Variants in MAL2 observed in about 807,000 individuals in gnomAD.
MAL2 encodes the protein protein MAL2.
A neutral mutation model predicts 18.1 loss-of-function variants in MAL2; 17 were observed. That is an observed-to-expected ratio of 0.94 (90% CI 0.64 to 1.41). MAL2 has a LOEUF of 1.41. Among genes scored for constraint, MAL2 ranks in the 40% most tolerant of loss-of-function variants. The pLI is 0.00. For synonymous variants in MAL2, 102 were observed against 102.3 expected, an observed-to-expected ratio of 1.00 and a Z score of 0.02; for missense variants, 222 against 231.9, an observed-to-expected ratio of 0.96 and a Z score of 0.28.
intron 2 of MAL2, among the ~76,000 whole-genome samples, chr8:119,227,592 A>T (rs1173784311): frequency 4.6e-5 from 7 of 152,186 alleles, no homozygotes; most frequent in Admixed American, 2.6e-4. Context: ...AAATCCACTG[A>T]AGCTGGAGGC....
rs770092855 is a variant in MAL2, at chr8:119,240,353, C to T, written c.459+33C>T. On this transcript the variant is annotated intron_variant, in intron 3 of 3. Transcript: ENST00000614891. ...TTCATATTCAATGAGTACCATTCAC[C>T]AGCACTTCCGCTCCACTGTCAAGGC... 6.2e-6 allele frequency: 10 copies of T among 1,602,242 alleles called. No individual in the cohort carries two copies. In the South Asian group the frequency reaches 1.0e-4, roughly 16 times the overall value.
In MAL2 at chr8:119,218,065, C is replaced by T. The variant is rs1009848273; in HGVS notation, c.133-3522C>T. On this transcript the variant is annotated intron_variant, in intron 1 of 3. Transcript: ENST00000614891. ...TGTCAAGGCCAGAGTGATCCATACA[C>T]CAGTATGACAGTCTCAAAATGAGGA... is the stretch of plus-strand genomic sequence containing the variant. Among the ~76,000 whole-genome samples, 15 of 152,266 alleles carry T rather than the reference C, an allele frequency of 9.9e-5. No homozygotes were observed. The South Asian group carries it at 1.2e-3, about 13-fold the overall frequency.
intron 2 of MAL2, among the ~76,000 whole-genome samples, chr8:119,237,639 C>A (rs1310461324): frequency 6.6e-6 from 1 of 151,852 alleles, no homozygotes; most frequent in Admixed American, 6.5e-5. Context: ...TAAATACATG[C>A]AAATCAATAA....
chr8:119,236,339 A>T (rs1817892097), intron 2 of MAL2, among the ~76,000 whole-genome samples: 1 of 149,768 alleles, frequency 6.7e-6, no homozygotes, highest in Non-Finnish European at 1.5e-5. Flanking sequence ...CCACACATTA[A>T]TAATGGGAGA....
At chr8:119,239,894 CTT>C (rs773431025) in intron 2 of MAL2, among the ~76,000 whole-genome samples, 4 of 151,952 alleles carry the variant, frequency 2.6e-5, no homozygotes, top group Non-Finnish European at 5.9e-5. Context: ...TACCCTAAAA[CTT>C]AAAGTATAAT....
At chr8:119,242,360 C>A (rs559540460) in intron 3 of MAL2, among the ~76,000 whole-genome samples, 1 of 152,240 alleles carries the variant, frequency 6.6e-6, no homozygotes, top group East Asian at 1.9e-4. Flanking sequence ...CTCAGTAAAC[C>A]TCTACATGCT....
At chr8:119,243,357 G>C in intron 3 of MAL2, 60 bp from the exon 4 acceptor site, 1 of 1,321,472 alleles carries the variant, frequency 7.6e-7, no homozygotes, top group Admixed American at 2.2e-5. Context: ...TGTTCTTTAG[G>C]ACACTGTTTA....
At chr8:119,226,845 G>A (rs1817607694) in intron 2 of MAL2, among the ~76,000 whole-genome samples, 1 of 152,190 alleles carries the variant, frequency 6.6e-6, no homozygotes, top group Non-Finnish European at 1.5e-5. Context: ...GTTTAAACAA[G>A]CTCTCCAGGT....
At position 119,239,529 on chromosome 8, in the gene MAL2, A is replaced by T. The variant is rs542638030; in HGVS notation, c.304-636A>T. On this transcript the variant is annotated intron_variant, in intron 2 of 3. Transcript: ENST00000614891. ...AGACTTGGAACCAACCCAAATGTCCAACAATGATAGACTGGATTAAGAAAA... is the reference window on the plus strand; with the variant it reads ...AGACTTGGAACCAACCCAAATGTCCTACAATGATAGACTGGATTAAGAAAA... Among the ~76,000 whole-genome samples, 1,462 of 150,946 alleles carry T rather than the reference A, an allele frequency of 9.7e-3. 28 individuals are homozygous for T. Among genetic ancestry groups the T allele is most frequent in the African/African-American group, 0.035 (1,395 of 40,212 alleles).
At chr8:119,229,734 A>G (rs180893026) in intron 2 of MAL2, among the ~76,000 whole-genome samples, 310 of 152,338 alleles carry the variant, frequency 2.0e-3, no homozygotes, top group African/African-American at 7.1e-3. Context: ...TATAATGCAC[A>G]TACAATACAG....
chr8:119,236,761 C>T (rs1563777273), intron 2 of MAL2, among the ~76,000 whole-genome samples: 1 of 150,634 alleles, frequency 6.6e-6, no homozygotes, highest in Non-Finnish European at 1.5e-5. Context: ...AAAGACACAA[C>T]ATAGCAGAAT....
In MAL2 at chr8:119,208,742, G is replaced by A; in HGVS notation, c.132+138G>A. 1 of 1,199,004 alleles carries A rather than the reference G, an allele frequency of 8.3e-7. No individual in the cohort carries two copies. Among genetic ancestry groups the A allele is most frequent in the Non-Finnish European group, 1.0e-6 (1 of 963,258 alleles). The allele number at this position is 1,199,004 out of a possible 1,614,324, so 74.3% of individuals were successfully genotyped here. A position where few individuals can be genotyped will look rare whatever the true frequency, so the allele number is the denominator to read the frequency against. ...GTGGCTTTGTCCTGCGCTCCCTCCC[G>A]GGGTCCTCTCGGTGCCCCGCGCCGC... On this transcript the variant is annotated intron_variant, in intron 1 of 3. Transcript: ENST00000614891. The surrounding 1 kb of genome is among the most constrained non-coding windows in gnomAD (Gnocchi z 4.3).
intron 2 of MAL2, among the ~76,000 whole-genome samples, chr8:119,224,695 C>G (rs771286177): frequency 2.0e-4 from 30 of 152,242 alleles, no homozygotes; most frequent in Non-Finnish European, 4.0e-4. Flanking sequence ...TCCTTCTCCT[C>G]TCCCCACCCA....
At chr8:119,229,437 C>T (rs760978696) in intron 2 of MAL2, among the ~76,000 whole-genome samples, 2 of 151,762 alleles carry the variant, frequency 1.3e-5, no homozygotes, top group Admixed American at 6.6e-5. Flanking sequence ...CTTAGCCTTC[C>T]GAGTAACTGG....
At chr8:119,229,313 CTTTTTT>C (rs60554580) in intron 2 of MAL2, among the ~76,000 whole-genome samples, 24,289 of 137,506 alleles carry the variant, frequency 0.18, 2,299 homozygotes, top group Non-Finnish European at 0.24. Context: ...CTGTGGGCCT[CTTTTTT>C]TTTTTTTTTT....
chr8:119,208,634 G>T lies in MAL2; in HGVS notation c.132+30G>T. ...GTGGGGCCGCCGGAGCGAGGGTCGC[G>T]CGGGGAGCGAGGACAGGCGGCGGCA... On this transcript the variant is annotated intron_variant, in intron 1 of 3. Transcript: ENST00000614891. The surrounding 1 kb of genome is among the most constrained non-coding windows in gnomAD (Gnocchi z 4.3). 1 of 1,285,890 alleles carries T rather than the reference G, an allele frequency of 7.8e-7. No homozygotes were observed. Among genetic ancestry groups the T allele is most frequent in the Non-Finnish European group, 9.9e-7 (1 of 1,014,994 alleles). The allele number at this position is 1,285,890 out of a possible 1,614,324, so 79.7% of individuals were successfully genotyped here. A position where few individuals can be genotyped will look rare whatever the true frequency, so the allele number is the denominator to read the frequency against.
intron 1 of MAL2, among the ~76,000 whole-genome samples, chr8:119,214,843 C>G (rs1166608772): frequency 6.6e-6 from 1 of 152,166 alleles, no homozygotes; most frequent in African/African-American, 2.4e-5. Context: ...ATGTGTATGT[C>G]ATTTCTCATT....
intron 2 of MAL2, among the ~76,000 whole-genome samples, chr8:119,232,099 TA>T (rs1337771139): frequency 6.8e-5 from 10 of 148,042 alleles, no homozygotes; most frequent in African/African-American, 2.7e-4. Context: ...GGAGGTTTTA[TA>T]TATTTTTTTA....
intron 3 of MAL2, among the ~76,000 whole-genome samples, chr8:119,242,489 A>G (rs1818066459): frequency 6.6e-6 from 1 of 152,182 alleles, no homozygotes; most frequent in Non-Finnish European, 1.5e-5. Context: ...ATTAGAGAGG[A>G]AAATTCCTTT....
Sources: allele counts gnomAD v4.1 joint callset (sites outside exome capture counted in the v4.1 genomes callset), GRCh38; gene constraint gnomAD v4.1.1; non-coding constraint Gnocchi (gnomAD v3.1); transcripts MANE v1.5; gene names NCBI Gene and HGNC (gene_info 2026-07-23, HGNC 2026-07-21).